MAP7D2: variants seen among roughly 807,000 people sequenced by gnomAD.
MAP7D2 encodes the protein MAP7 domain-containing protein 2.
Under a neutral mutation model 63.5 loss-of-function variants are expected in MAP7D2, and 33 were observed. The observed-to-expected ratio is 0.52, with a 90% CI of 0.39 to 0.70. MAP7D2 has a LOEUF of 0.70. MAP7D2 is among the 30% of genes least tolerant of loss of function. The probability of loss-of-function intolerance (pLI) is 0.00; values close to 1 mark genes in which losing one functional copy is unlikely to be tolerated. For synonymous variants in MAP7D2, 224 were observed against 223.7 expected (o/e 1.00, Z -0.01); for missense variants, 626 against 604.0 (o/e 1.04, Z -0.38).
chrX:20,084,612 A>C (rs948547839), intron 1 of MAP7D2, among the ~76,000 whole-genome samples: 2 of 91,696 alleles, frequency 2.2e-5, no homozygotes, highest in African/African-American at 8.7e-5. Flanking sequence ...TCTACTGCCC[A>C]GGCTGGAGTG....
chrX:20,044,276 A>G, intron 7 of MAP7D2, 88 bp downstream of exon 7: 2 of 963,109 alleles, frequency 2.1e-6, no homozygotes, highest in Non-Finnish European at 2.9e-6. Flanking sequence ...TGATGGAAAC[A>G]GACAGCCCAG....
At chrX:20,066,035 GC>G (rs1252155023) in intron 1 of MAP7D2, among the ~76,000 whole-genome samples, 1 of 108,317 alleles carries the variant, frequency 9.2e-6, no homozygotes, top group Non-Finnish European at 1.9e-5. Context: ...CCATTCTCCT[GC>G]CTCAGCCTCC....
At chrX:20,105,803 C>A (rs2066550950) in intron 1 of MAP7D2, among the ~76,000 whole-genome samples, 1 of 112,104 alleles carries the variant, frequency 8.9e-6, no homozygotes, top group Admixed American at 9.5e-5. Context: ...ACAGCTCTCT[C>A]CTCCCACAGT....
At chrX:20,059,702 T>TAGGA (rs1258038804) in intron 3 of MAP7D2, among the ~76,000 whole-genome samples, 6 of 75,979 alleles carry the variant, frequency 7.9e-5, no homozygotes, top group East Asian at 3.9e-4. Flanking sequence ...AAAGGATAGA[T>TAGGA]AGGAAGGAAG....
chrX:20,085,409 C>T (rs947456540), intron 1 of MAP7D2, among the ~76,000 whole-genome samples: 7 of 112,245 alleles, frequency 6.2e-5, no homozygotes, highest in South Asian at 3.7e-4. Context: ...CCTACAGGCA[C>T]GTTTTTACCA....
At chrX:20,025,233 C>T (rs1407109525) in intron 9 of MAP7D2, 150 bp from the exon 10 acceptor site, 1 of 646,375 alleles carries the variant, frequency 1.5e-6, no homozygotes, top group Non-Finnish European at 2.2e-6. Context: ...AATCGACCAC[C>T]AAGCAAGAGA....
intron 6 of MAP7D2, 36 bp from the exon 7 acceptor site, chrX:20,044,560 G>A: frequency 8.7e-7 from 1 of 1,153,101 alleles, no homozygotes; most frequent in Non-Finnish European, 1.2e-6. Flanking sequence ...GAAGGACAGA[G>A]AGTACAGATG....
At chrX:20,011,831 T>C (rs1453205443) in intron 15 of MAP7D2, among the ~76,000 whole-genome samples, 1 of 112,763 alleles carries the variant, frequency 8.9e-6, no homozygotes, top group Non-Finnish European at 1.9e-5. Context: ...AGGAGTTTCA[T>C]AATTGCGCCA....
intron 1 of MAP7D2, among the ~76,000 whole-genome samples, chrX:20,079,889 C>T (rs2065735096): frequency 9.0e-6 from 1 of 111,503 alleles, no homozygotes; most frequent in Non-Finnish European, 1.9e-5. Flanking sequence ...CCCCCCACAA[C>T]TTCCTAAGAG....
At chrX:20,060,023 CT>C (rs1426036593) in intron 3 of MAP7D2, among the ~76,000 whole-genome samples, 167 of 100,818 alleles carry the variant, frequency 1.7e-3, no homozygotes, top group Middle Eastern at 5.1e-3. Context: ...TATATGTGTT[CT>C]TTTTTTTTTT....
chrX:20,095,972 C>T lies in MAP7D2; in HGVS notation c.130+20778G>A, dbSNP rs139865243. 1.7e-3 allele frequency among the ~76,000 whole-genome samples: 181 copies of T among 105,129 alleles called. 5 individuals are homozygous for T. In the East Asian group the frequency reaches 0.05, roughly 29 times the overall value. 91.3% of individuals were successfully genotyped at this position (105,129 alleles called of 115,157 possible). ...TGGTGGGCACCTGTAATCCCAGCTA[C>T]TTGGGAGGCCGAGGCAGGAGAATCA... On this transcript the variant is annotated intron_variant, in intron 1 of 16. Coordinates refer to ENST00000379643, the MANE Select transcript of MAP7D2 (RefSeq NM_001168465.2).
chrX:20,031,331 T>C (rs2074044090), intron 8 of MAP7D2, among the ~76,000 whole-genome samples: 1 of 107,213 alleles, frequency 9.3e-6, no homozygotes, highest in Non-Finnish European at 1.9e-5. Context: ...TAAAATAAAA[T>C]AAAATAAAAT....
chrX:20,034,061 C>T (rs1447832015), intron 8 of MAP7D2, among the ~76,000 whole-genome samples: 1 of 107,266 alleles, frequency 9.3e-6, no homozygotes, highest in Non-Finnish European at 1.9e-5. Context: ...CCTGTCTCTA[C>T]TAAATATACA....
intron 13 of MAP7D2, 150 bp from the exon 14 acceptor site, chrX:20,013,282 T>C: frequency 2.1e-6 from 1 of 483,638 alleles, no homozygotes; most frequent in East Asian, 3.5e-5. Context: ...GTTTCCCTTA[T>C]TCTTACGTAT....
chrX:20,115,923 C>A (rs1246751634), intron 1 of MAP7D2, among the ~76,000 whole-genome samples: 1 of 112,701 alleles, frequency 8.9e-6, no homozygotes, highest in East Asian at 2.8e-4. Context: ...AGCATGAAAT[C>A]GGTTTCCATG....
chrX:20,099,200 G>T (rs1168241967), intron 1 of MAP7D2, among the ~76,000 whole-genome samples: 1 of 107,919 alleles, frequency 9.3e-6, no homozygotes, highest in South Asian at 4.2e-4. Flanking sequence ...ACCTTGTGAG[G>T]GCCAAGGAAG....
At chrX:20,086,465 T>G (rs1035697112) in intron 1 of MAP7D2, among the ~76,000 whole-genome samples, 1 of 112,155 alleles carries the variant, frequency 8.9e-6, no homozygotes, top group Non-Finnish European at 1.9e-5. Flanking sequence ...ACTACACATA[T>G]AGGCAACTGA....
chrX:20,083,873 T>C (rs1392118347), intron 1 of MAP7D2, among the ~76,000 whole-genome samples: 1 of 111,215 alleles, frequency 9.0e-6, no homozygotes, highest in Non-Finnish European at 1.9e-5. Context: ...GGGATGCTGC[T>C]AAACATTCTA....
At chrX:20,084,725 C>G (rs1427464094) in intron 1 of MAP7D2, among the ~76,000 whole-genome samples, 1 of 109,915 alleles carries the variant, frequency 9.1e-6, no homozygotes, top group South Asian at 4.0e-4. Context: ...CGCACCACCA[C>G]GCCCAGCTAA....
Sources: gnomAD v4.1 joint callset for allele counts (sites outside exome capture counted in the v4.1 genomes callset) on GRCh38, gnomAD v4.1.1 for gene constraint, MANE v1.5 for transcripts, NCBI Gene and HGNC (gene_info 2026-07-23, HGNC 2026-07-21) for gene names.